The following TRIM14 variants were observed in gnomAD, a reference collection of about 807,000 sequenced individuals.
TRIM14 encodes the protein tripartite motif containing 14.
Under a neutral mutation model 44.5 loss-of-function variants are expected in TRIM14, and 28 were observed. The observed-to-expected ratio is 0.63, with a 90% confidence interval of 0.47 to 0.86. The LOEUF (loss-of-function observed/expected upper bound fraction) is 0.86, where lower values mean the gene tolerates loss of function less well. Ranked by LOEUF, TRIM14 falls within the 40% of genes least tolerant of loss-of-function variation. TRIM14 has a pLI of 0.00. For missense variants in TRIM14, 607 were observed against 611.1 expected (o/e 0.99, Z 0.07); for synonymous variants, 299 against 269.2 (o/e 1.11, Z -1.08).
the TRIM14 span, among the ~76,000 whole-genome samples, chr9:98,063,909 A>G: frequency 6.6e-6 from 1 of 152,008 alleles, no homozygotes; most frequent in Admixed American, 6.6e-5. Context: ...TGTTTCCTTA[A>G]GATGGCTTCT....
At chr9:98,102,007 CA>C (rs998993291) in intron 2 of TRIM14, among the ~76,000 whole-genome samples, 7,722 of 57,646 alleles carry the variant, frequency 0.13, 193 homozygotes, top group Admixed American at 0.21. Context: ...GACTTTGACT[CA>C]AAAAAAAAAA....
chr9:98,111,453 T>C (rs1696087401), intron 1 of TRIM14, among the ~76,000 whole-genome samples: 1 of 152,004 alleles, frequency 6.6e-6, no homozygotes, highest in South Asian at 2.1e-4. Context: ...TGGCTGGGCA[T>C]GGTGGAGAAT....
chr9:98,109,843 G>A (rs1461467098), intron 2 of TRIM14, 46 bp downstream of exon 2: 9 of 1,507,554 alleles, frequency 6.0e-6, no homozygotes, highest in African/African-American at 1.4e-5. Flanking sequence ...TGTCTGGGGG[G>A]AAATGTGGGT....
At chr9:98,096,460 A>G (rs560009620) in intron 3 of TRIM14, among the ~76,000 whole-genome samples, 18 of 152,256 alleles carry the variant, frequency 1.2e-4, no homozygotes, top group African/African-American at 4.1e-4. Flanking sequence ...TAGAGGACAC[A>G]TGGCACCACC....
rs1349509170 is a variant in TRIM14 at position 98,101,238 on chromosome 9, A to G, written c.304-1074T>C. Among the ~76,000 whole-genome samples the G allele has an allele frequency of 3.3e-5, 5 of 151,936 alleles. No homozygotes were observed. The South Asian group carries it at 6.2e-4, about 19-fold the overall frequency. On this transcript the variant is annotated intron_variant, in intron 2 of 5. Transcript: ENST00000341469. The stretch of plus-strand genomic sequence containing the variant: ...GATCCACCTGCCTCAGCCTCCCAAA[A>G]TGCTGAGATTACAGGCATGAGACAC...
At chr9:98,056,851 G>T in the TRIM14 span, 5 of 1,612,084 alleles carry the variant, frequency 3.1e-6, no homozygotes, top group Non-Finnish European at 4.2e-6. Context: ...CTGGGTGGGC[G>T]GGCAACACCC....
chr9:98,083,932 A>T (rs886527445), downstream of TRIM14, among the ~76,000 whole-genome samples: 6 of 152,206 alleles, frequency 3.9e-5, no homozygotes, highest in African/African-American at 1.2e-4. Flanking sequence ...GAGAACTTTA[A>T]TGAGTTATCT....
intron 4 of TRIM14, among the ~76,000 whole-genome samples, chr9:98,093,191 T>C (rs1826060592): frequency 6.6e-6 from 1 of 152,104 alleles, no homozygotes; most frequent in Non-Finnish European, 1.5e-5. Context: ...CTCTTTCCTC[T>C]CTCCCCTGTG....
intron 6 of TRIM14, among the ~76,000 whole-genome samples, chr9:98,078,955 A>T (rs1344666300): frequency 6.6e-6 from 1 of 151,910 alleles, no homozygotes; most frequent in Non-Finnish European, 1.5e-5. Context: ...ATCTTTTTTC[A>T]TACTGAGTTA....
chr9:98,111,904 C>G (rs997677546), intron 1 of TRIM14, among the ~76,000 whole-genome samples: 1 of 152,154 alleles, frequency 6.6e-6, no homozygotes, highest in African/African-American at 2.4e-5. Flanking sequence ...CACCATTGCA[C>G]TCCAACCAGG....
At chr9:98,098,912 C>G (rs997171115) in intron 3 of TRIM14, among the ~76,000 whole-genome samples, 1 of 152,066 alleles carries the variant, frequency 6.6e-6, no homozygotes, top group African/African-American at 2.4e-5. Flanking sequence ...CTCAGCCTCA[C>G]AGGTGCACGC....
the TRIM14 span, among the ~76,000 whole-genome samples, chr9:98,053,979 T>A: frequency 2.6e-5 from 4 of 152,168 alleles, no homozygotes; most frequent in Admixed American, 2.6e-4. Flanking sequence ...AGTAGTCACC[T>A]CATTGGGCAC....
At chr9:98,112,747 G>C (rs945803473) in intron 1 of TRIM14, among the ~76,000 whole-genome samples, 19 of 136,866 alleles carry the variant, frequency 1.4e-4, no homozygotes, top group Admixed American at 4.8e-4. Context: ...GCAGTGAGCA[G>C]AGATTGCGCC....
At chr9:98,110,298 G>A (rs1403357457) in intron 1 of TRIM14, 1 of 349,926 alleles carries the variant, frequency 2.9e-6, no homozygotes, top group African/African-American at 2.1e-5. Context: ...AAGGCAAACA[G>A]CTTGGGGTCT....
chr9:98,039,505 C>G, the TRIM14 span, among the ~76,000 whole-genome samples: 7 of 152,122 alleles, frequency 4.6e-5, no homozygotes, highest in Admixed American at 4.6e-4. Context: ...TCTAGATTGC[C>G]TTTGTAGGAC....
chr9:98,074,828 GA>G (rs780885419), intron 6 of TRIM14: 4 of 152,112 alleles, frequency 2.6e-5, no homozygotes, highest in Non-Finnish European at 5.9e-5. Flanking sequence ...TTATACAAAA[GA>G]AAACTCAGTG....
At chr9:98,118,949 C>T (rs752552160) in intron 1 of TRIM14, 33 bp downstream of exon 1, 1 of 1,477,430 alleles carries the variant, frequency 6.8e-7, no homozygotes, top group Non-Finnish European at 8.9e-7. Flanking sequence ...CCCCCAACTC[C>T]CGCGCGGCGA....
chr9:98,063,889 T>C, the TRIM14 span, among the ~76,000 whole-genome samples: 2 of 151,864 alleles, frequency 1.3e-5, no homozygotes, highest in African/African-American at 4.8e-5. Flanking sequence ...ATCTTTTCTC[T>C]GTTTGGGGTT....
At chr9:98,113,498 GCA>G (rs971497391) in intron 1 of TRIM14, among the ~76,000 whole-genome samples, 3 of 152,068 alleles carry the variant, frequency 2.0e-5, no homozygotes, top group African/African-American at 7.2e-5. Flanking sequence ...GGGACTATAG[GCA>G]CACACCACCA....
Sources: gnomAD v4.1 joint callset for allele counts (sites outside exome capture counted in the v4.1 genomes callset) on GRCh38, gnomAD v4.1.1 for gene constraint, MANE v1.5 for transcripts, NCBI Gene and HGNC (gene_info 2026-07-23, HGNC 2026-07-21) for gene names.